The following PCGF5 variants were observed in gnomAD, a reference collection of about 807,000 sequenced individuals.
The protein encoded by PCGF5 is polycomb group RING finger protein 5.
PCGF5 carries 9 observed loss-of-function variants against 44.3 expected under a neutral mutation model. The ratio of observed to expected loss-of-function variants is 0.20; its 90% CI spans 0.12 to 0.35. The LOEUF (loss-of-function observed/expected upper bound fraction) is 0.35, where lower values mean the gene tolerates loss of function less well. Among genes scored for constraint, PCGF5 ranks in the 10% least tolerant of loss-of-function variants. The pLI is 1.00. For missense variants in PCGF5, 146 were observed against 305.3 expected (o/e 0.48, Z 3.89); for synonymous variants, 95 against 102.5 (o/e 0.93, Z 0.44).
chr10:91,204,069 G>A (rs1844299813), intron 1 of PCGF5, among the ~76,000 whole-genome samples: 1 of 152,178 alleles, frequency 6.6e-6, no homozygotes, highest in African/African-American at 2.4e-5. Flanking sequence ...CAGAACTACA[G>A]ATAAGGTAGT....
intron 1 of PCGF5, among the ~76,000 whole-genome samples, chr10:91,175,430 T>TA (rs1843687493): frequency 6.6e-6 from 1 of 152,132 alleles, no homozygotes; most frequent in Non-Finnish European, 1.5e-5. Flanking sequence ...TAGAAGGACT[T>TA]ACAGAAACTG....
intron 1 of PCGF5, among the ~76,000 whole-genome samples, chr10:91,191,575 T>G (rs1844034159): frequency 6.6e-6 from 1 of 152,254 alleles, no homozygotes; most frequent in South Asian, 2.1e-4. Context: ...TACTAACATG[T>G]AGGTAATCTA....
chr10:91,184,421 A>G (rs1401322827), intron 1 of PCGF5, among the ~76,000 whole-genome samples: 2 of 151,774 alleles, frequency 1.3e-5, no homozygotes, highest in Non-Finnish European at 2.9e-5. Context: ...TGGTTACAGT[A>G]CTCTCTACTG....
At chr10:91,177,944 C>T (rs537409275) in intron 1 of PCGF5, among the ~76,000 whole-genome samples, 2 of 152,342 alleles carry the variant, frequency 1.3e-5, no homozygotes, top group East Asian at 3.9e-4. Context: ...CAACAATCCC[C>T]AGTGAGATGA....
intron 1 of PCGF5, among the ~76,000 whole-genome samples, chr10:91,191,338 A>G (rs113214927): frequency 6.6e-6 from 1 of 152,344 alleles, no homozygotes; most frequent in African/African-American, 2.4e-5. Flanking sequence ...TGAGTGACTA[A>G]GAATGGTGGC....
chr10:91,176,226 T>C (rs1843704218), intron 1 of PCGF5, among the ~76,000 whole-genome samples: 1 of 152,192 alleles, frequency 6.6e-6, no homozygotes, highest in African/African-American at 2.4e-5. Flanking sequence ...TTTAAGAATG[T>C]TGAATATTGG....
At chr10:91,186,346 G>A (rs1843922984) in intron 1 of PCGF5, among the ~76,000 whole-genome samples, 1 of 152,084 alleles carries the variant, frequency 6.6e-6, no homozygotes, top group South Asian at 2.1e-4. Flanking sequence ...AGTTGTCTAT[G>A]GCGAGAATTC....
At chr10:91,194,852 G>A (rs1360963279) in intron 1 of PCGF5, among the ~76,000 whole-genome samples, 3 of 152,186 alleles carry the variant, frequency 2.0e-5, no homozygotes, top group Non-Finnish European at 4.4e-5. Flanking sequence ...AATGAGAGCT[G>A]TCCCTCAGAG....
chr10:91,200,175 TA>T (rs578249821), intron 1 of PCGF5, among the ~76,000 whole-genome samples: 15 of 152,248 alleles, frequency 9.9e-5, no homozygotes, highest in Middle Eastern at 3.4e-3. Context: ...AGAGCCAGAA[TA>T]AAAGCCACAG....
intron 3 of PCGF5, among the ~76,000 whole-genome samples, chr10:91,243,163 A>C (rs1845373864): frequency 6.6e-6 from 1 of 152,190 alleles, no homozygotes; most frequent in Admixed American, 6.5e-5. Flanking sequence ...AGTTGAGCGG[A>C]CCTCAGAGGC....
At chr10:91,195,851 A>T (rs1346547893) in intron 1 of PCGF5, among the ~76,000 whole-genome samples, 4 of 151,700 alleles carry the variant, frequency 2.6e-5, no homozygotes, top group Non-Finnish European at 5.9e-5. Flanking sequence ...AATCCCAAAG[A>T]ACAGCATTTG....
At position 91,279,513 on chromosome 10, in the gene PCGF5, A is replaced by G. The variant is rs1846397471; in HGVS notation, c.*1197A>G. 6.6e-6 allele frequency: 1 copy of G among 152,132 alleles called. No individual in the cohort carries two copies. Among genetic ancestry groups the G allele is most frequent in the African/African-American group, 2.4e-5 (1 of 41,460 alleles). The allele number at this position is 152,132 out of a possible 1,614,324, so 9.4% of individuals were successfully genotyped here. A position where few individuals can be genotyped will look rare whatever the true frequency, so the allele number is the denominator to read the frequency against. On this transcript the variant is annotated 3_prime_UTR_variant, in exon 10 of 10. Transcript: ENST00000336126. ...GAGTTCATTAAGATCAGAAATACAA[A>G]ATGTCCTGTATTTTGCAGTTTTGTT...
intron 1 of PCGF5, among the ~76,000 whole-genome samples, chr10:91,168,755 C>T (rs549183430): frequency 6.6e-6 from 1 of 151,602 alleles, no homozygotes; most frequent in Non-Finnish European, 1.5e-5. Flanking sequence ...AGTGAAACCC[C>T]GTCTCTACTA....
At chr10:91,257,854 T>C (rs1456855466) in intron 6 of PCGF5, among the ~76,000 whole-genome samples, 1 of 152,120 alleles carries the variant, frequency 6.6e-6, no homozygotes, top group Non-Finnish European at 1.5e-5. Flanking sequence ...ATCTTGTATA[T>C]GTATATTCAT....
At chr10:91,261,599 C>T (rs1845911231) in intron 7 of PCGF5, among the ~76,000 whole-genome samples, 175 bp downstream of exon 7, 1 of 152,100 alleles carries the variant, frequency 6.6e-6, no homozygotes, top group Admixed American at 6.6e-5. Flanking sequence ...AATATGTGTA[C>T]TCTAATTGAA....
intron 1 of PCGF5, among the ~76,000 whole-genome samples, chr10:91,190,522 A>G (rs1844012870): frequency 6.6e-6 from 1 of 152,222 alleles, no homozygotes; most frequent in South Asian, 2.1e-4. Context: ...ATTTTGAATC[A>G]TCTGTGATTC....
intron 1 of PCGF5, among the ~76,000 whole-genome samples, chr10:91,194,518 T>A (rs1844091555): frequency 6.6e-6 from 1 of 152,184 alleles, no homozygotes; most frequent in Non-Finnish European, 1.5e-5. Flanking sequence ...AACCCTTGAT[T>A]TTTGCCCAGG....
chr10:91,252,264 C>G (rs1845638819), intron 6 of PCGF5, among the ~76,000 whole-genome samples: 1 of 151,878 alleles, frequency 6.6e-6, no homozygotes, highest in Non-Finnish European at 1.5e-5. Flanking sequence ...TATTCATTGT[C>G]TCTAATTTTC....
chr10:91,201,786 T>C (rs1201747689), intron 1 of PCGF5, among the ~76,000 whole-genome samples: 1 of 152,216 alleles, frequency 6.6e-6, no homozygotes, highest in African/African-American at 2.4e-5. Flanking sequence ...GTTACTTTTT[T>C]GCCTTCTTAA....
Sources: gnomAD v4.1 joint callset for allele counts (sites outside exome capture counted in the v4.1 genomes callset) on GRCh38, gnomAD v4.1.1 for gene constraint, MANE v1.5 for transcripts, NCBI Gene and HGNC (gene_info 2026-07-23, HGNC 2026-07-21) for gene names.